Variants in SWT1 observed in about 807,000 individuals in gnomAD.
SWT1 encodes the protein SWT1 RNA endoribonuclease homolog, also known as transcriptional protein SWT1.
SWT1 carries 33 observed loss-of-function variants against 107.3 expected under a neutral mutation model. That is an observed-to-expected ratio of 0.31 (90% confidence interval 0.23 to 0.41). The LOEUF (loss-of-function observed/expected upper bound fraction) is 0.41, where lower values mean the gene tolerates loss of function less well. Ranked by LOEUF, SWT1 falls within the 10% of genes least tolerant of loss-of-function variation. The probability of loss-of-function intolerance (pLI) is 1.00; values close to 1 mark genes in which losing one functional copy is unlikely to be tolerated. For synonymous variants in SWT1, 345 were observed against 348.3 expected (o/e 0.99, Z 0.11); for missense variants, 898 against 1,028.9 (o/e 0.87, Z 1.74).
At position 185,231,720 on chromosome 1, in the gene SWT1, A is replaced by G. The variant is rs1454133006; in HGVS notation, c.2441+12A>G. The stretch of plus-strand genomic sequence containing the variant: ...GAAGGAATTCAAAGGTAAACACTAT[A>G]TTAATTTTAAAGTGTTATTTACTTA... On this transcript the variant is annotated intron_variant, in intron 16 of 18. Coordinates refer to ENST00000367500, the MANE Select transcript of SWT1 (RefSeq NM_017673.7). 3 of 1,588,110 alleles carry G rather than the reference A, an allele frequency of 1.9e-6. No individual in the cohort carries two copies. Among genetic ancestry groups the G allele is most frequent in the Admixed American group, 1.8e-5 (1 of 57,130 alleles).
chr1:185,185,564 A>G (rs1003320686), intron 9 of SWT1, among the ~76,000 whole-genome samples: 104 of 152,260 alleles, frequency 6.8e-4, no homozygotes, highest in African/African-American at 2.4e-3. Context: ...TCATTCTTTC[A>G]GAATTTGTTT....
chr1:185,189,605 G>C (rs1656772112), intron 9 of SWT1, among the ~76,000 whole-genome samples: 1 of 151,996 alleles, frequency 6.6e-6, no homozygotes, highest in South Asian at 2.1e-4. Flanking sequence ...TTGGTTTCTA[G>C]TCTGACATTT....
intron 2 of SWT1, among the ~76,000 whole-genome samples, chr1:185,163,162 G>A (rs1179341050): frequency 2.0e-5 from 3 of 152,038 alleles, no homozygotes; most frequent in Non-Finnish European, 4.4e-5. Context: ...TTGCCACATT[G>A]ACTCTCCTTT....
intron 15 of SWT1, among the ~76,000 whole-genome samples, chr1:185,228,553 C>G (rs1313418115): frequency 1.3e-5 from 2 of 152,210 alleles, no homozygotes; most frequent in East Asian, 3.9e-4. Context: ...TGAAGGACCT[C>G]TAAATTTTAG....
At chr1:185,164,612 G>C (rs1438982002) in intron 2 of SWT1, among the ~76,000 whole-genome samples, 1 of 152,204 alleles carries the variant, frequency 6.6e-6, no homozygotes, top group Non-Finnish European at 1.5e-5. Flanking sequence ...ATGTTACAGA[G>C]ATGGCTTCAT....
At chr1:185,157,960 C>CA (rs1653773225) in intron 1 of SWT1, among the ~76,000 whole-genome samples, 1 of 152,130 alleles carries the variant, frequency 6.6e-6, no homozygotes, top group Admixed American at 6.5e-5. Flanking sequence ...TTCTGTCCCC[C>CA]CGCGATAAAT....
chr1:185,199,831 A>C lies in SWT1; in HGVS notation c.1524-2823A>C, dbSNP rs530793872. Among the ~76,000 whole-genome samples the C allele has an allele frequency of 2.5e-3, 382 of 152,230 alleles. 2 individuals are homozygous for C. Among genetic ancestry groups the C allele is most frequent in the African/African-American group, 8.6e-3 (359 of 41,538 alleles). On this transcript the variant is annotated intron_variant, in intron 10 of 18. Coordinates refer to ENST00000367500, the MANE Select transcript of SWT1 (RefSeq NM_017673.7). ...GGAAGTTCTCCTGGATAATATCCTG[A>C]AGAGTGTTTTCCAACTTGGTTCCAT...
Position 185,181,942 on chromosome 1 carries a change from T to G in SWT1, c.1027-4T>G, listed in dbSNP as rs1310662130. On this transcript the variant is annotated splice_polypyrimidine_tract_variant and splice_region_variant and intron_variant, in intron 6 of 18. Transcript: ENST00000367500. ...ATATTTCACTGGGGTCTTTTACACTTTAGATGCAGATAGTAGAAGAGCTTC... is the reference window on the plus strand; with the variant it reads ...ATATTTCACTGGGGTCTTTTACACTGTAGATGCAGATAGTAGAAGAGCTTC... 1 of 1,613,762 alleles carries G rather than the reference T, an allele frequency of 6.2e-7. No individual in the cohort carries two copies. Among genetic ancestry groups the G allele is most frequent in the Admixed American group, 1.7e-5 (1 of 60,004 alleles).
chr1:185,214,510 A>C lies in SWT1; in HGVS notation c.1976A>C (p.Asn659Thr), dbSNP rs780814860. 2.5e-6 allele frequency: 4 copies of C among 1,606,564 alleles called. No homozygotes were observed. The South Asian group carries it at 4.5e-5, about 18-fold the overall frequency. Residue 659 changes from asparagine (N) to threonine (T), a missense_variant, in exon 14 of 19, where the codon AAT (asparagine) becomes ACT (threonine). By Grantham distance (65) the Asn-to-Thr change is moderately conservative. Transcript: ENST00000367500. Reference sequence around the variant, plus strand: ...TGTCTTAATTTTCTGTTACCAGCTAATAAGGCAGTGGATTTTACAACAGTC... The same window carrying C: ...TGTCTTAATTTTCTGTTACCAGCTACTAAGGCAGTGGATTTTACAACAGTC... ...ESLYKNLRKA[N>T]KAVDFTTVKF...
intron 16 of SWT1, among the ~76,000 whole-genome samples, chr1:185,238,863 T>C (rs75900900): frequency 6.6e-6 from 1 of 152,016 alleles, no homozygotes; most frequent in East Asian, 1.9e-4. Flanking sequence ...GTTTAAAAAT[T>C]TTTTTGCTAA....
At chr1:185,271,526 A>C in intron 17 of SWT1, 137 bp downstream of exon 17, 1 of 567,802 alleles carries the variant, frequency 1.8e-6, no homozygotes, top group South Asian at 2.3e-5. Flanking sequence ...AATGCCATAA[A>C]AGTTTGTCAG....
chr1:185,214,754 C>A, intron 14 of SWT1, 99 bp downstream of exon 14: 3 of 980,732 alleles, frequency 3.1e-6, no homozygotes, highest in Non-Finnish European at 4.4e-6. Flanking sequence ...TTAATTCTAA[C>A]TTATTCTAAC....
At chr1:185,190,478 A>G (rs1290867792) in intron 9 of SWT1, 71 bp from the exon 10 acceptor site, 2 of 861,598 alleles carry the variant, frequency 2.3e-6, no homozygotes, top group Non-Finnish European at 3.9e-6. Context: ...TTGTAAATAC[A>G]GCCTAGATTA....
chr1:185,193,177 C>A (rs1657102900), intron 10 of SWT1, among the ~76,000 whole-genome samples: 1 of 152,054 alleles, frequency 6.6e-6, no homozygotes, highest in Non-Finnish European at 1.5e-5. Flanking sequence ...TTGCCTAATT[C>A]TAAGTATTTG....
intron 13 of SWT1, among the ~76,000 whole-genome samples, chr1:185,212,519 C>T (rs560830883): frequency 2.6e-5 from 4 of 152,002 alleles, no homozygotes; most frequent in Admixed American, 1.3e-4. Context: ...TCTTTGATCT[C>T]GAAGAATCTG....
chr1:185,200,606 G>T (rs1657791076), intron 10 of SWT1, among the ~76,000 whole-genome samples: 1 of 152,200 alleles, frequency 6.6e-6, no homozygotes, highest in Non-Finnish European at 1.5e-5. Flanking sequence ...ATTGCTGCCT[G>T]TTCCTTCCTC....
intron 10 of SWT1, among the ~76,000 whole-genome samples, chr1:185,197,094 A>T (rs1318169823): frequency 6.6e-6 from 1 of 152,152 alleles, no homozygotes; most frequent in Non-Finnish European, 1.5e-5. Flanking sequence ...TGGGTTTGTC[A>T]TAAATAGCTC....
chr1:185,230,798 A>C (rs1660455964), intron 15 of SWT1, among the ~76,000 whole-genome samples: 1 of 151,812 alleles, frequency 6.6e-6, no homozygotes, highest in South Asian at 2.1e-4. Flanking sequence ...CCCAGGCTGG[A>C]ATGCAGTGGC....
intron 16 of SWT1, among the ~76,000 whole-genome samples, chr1:185,250,255 G>A (rs1031035330): frequency 6.6e-6 from 1 of 152,052 alleles, no homozygotes; most frequent in African/African-American, 2.4e-5. Flanking sequence ...AGCCTCCCTC[G>A]TAGCTGTCAC....
Sources: allele counts gnomAD v4.1 joint callset (sites outside exome capture counted in the v4.1 genomes callset), GRCh38; gene constraint gnomAD v4.1.1; transcripts MANE v1.5; gene names NCBI Gene and HGNC (gene_info 2026-07-23, HGNC 2026-07-21).